Variants in FREM1 observed in about 807,000 individuals in gnomAD.
FREM1 encodes FRAS1 related extracellular matrix 1, also known as FRAS1-related extracellular matrix protein 1.
Under a neutral mutation model 210.1 loss-of-function variants are expected in FREM1, and 220 were observed. The ratio of observed to expected loss-of-function variants is 1.05; its 90% CI spans 0.94 to 1.17. FREM1 has a LOEUF of 1.17. Ranked by LOEUF, FREM1 falls within the 50% of genes most tolerant of loss-of-function variation. The probability of loss-of-function intolerance (pLI) is 0.00; values close to 1 mark genes in which losing one functional copy is unlikely to be tolerated. For synonymous variants in FREM1, 1,189 were observed against 980.2 expected (o/e 1.21, Z -3.98); for missense variants, 3,454 against 2,675.5 (o/e 1.29, Z -6.42).
intron 1 of FREM1, among the ~76,000 whole-genome samples, chr9:14,881,758 T>C (rs1317514578): frequency 6.6e-6 from 1 of 152,230 alleles, no homozygotes; most frequent in East Asian, 1.9e-4. Context: ...ACAAAGACTA[T>C]ATTTCACAGT....
At chr9:14,778,607 CAAAAAAAAAA>C (rs1169611171) in intron 24 of FREM1, among the ~76,000 whole-genome samples, 1 of 31,244 alleles carries the variant, frequency 3.2e-5, no homozygotes, top group African/African-American at 1.3e-4. Context: ...GAACCTGTCT[CAAAAAAAAAA>C]AAAAAAAAAA....
chr9:14,813,659 G>A (rs554369261), intron 15 of FREM1, among the ~76,000 whole-genome samples: 3 of 151,376 alleles, frequency 2.0e-5, no homozygotes, highest in East Asian at 4.0e-4. Context: ...TCACTTTCAC[G>A]AAAATAAAAC....
chr9:14,857,218 G>C (rs1406104524), intron 5 of FREM1, among the ~76,000 whole-genome samples: 3 of 152,082 alleles, frequency 2.0e-5, no homozygotes, highest in African/African-American at 4.8e-5. Context: ...AAGCATCAAA[G>C]AGAAGGTGTT....
chr9:14,827,105 A>T (rs1159410852), intron 10 of FREM1, among the ~76,000 whole-genome samples: 2 of 152,318 alleles, frequency 1.3e-5, no homozygotes, highest in South Asian at 4.2e-4. Flanking sequence ...AGGCTAGAAA[A>T]AGCCTATATT....
chr9:14,745,032 C>T (rs758268816), intron 35 of FREM1, among the ~76,000 whole-genome samples: 8 of 152,138 alleles, frequency 5.3e-5, no homozygotes, highest in Admixed American at 4.6e-4. Context: ...AAACCAAATG[C>T]TGCATGTTCT....
At chr9:14,741,277 T>C (rs1422213703) in intron 35 of FREM1, among the ~76,000 whole-genome samples, 1 of 152,232 alleles carries the variant, frequency 6.6e-6, no homozygotes, top group African/African-American at 2.4e-5. Flanking sequence ...TGCCTATGTC[T>C]TTTCAAAATT....
intron 1 of FREM1, among the ~76,000 whole-genome samples, chr9:14,895,295 CT>C (rs1481142814): frequency 1.9e-4 from 29 of 152,144 alleles, no homozygotes. Flanking sequence ...CATGACTTGT[CT>C]TTAGTGAAAA....
chr9:14,872,211 A>T (rs926287722), intron 1 of FREM1, among the ~76,000 whole-genome samples: 11 of 152,152 alleles, frequency 7.2e-5, no homozygotes, highest in Non-Finnish European at 1.5e-4. Context: ...GAAGAAAATC[A>T]TTGGTAGCTT....
intron 35 of FREM1, among the ~76,000 whole-genome samples, chr9:14,743,438 T>C (rs1490292989): frequency 6.6e-6 from 1 of 152,068 alleles, no homozygotes; most frequent in Non-Finnish European, 1.5e-5. Flanking sequence ...AAAAGTAGTT[T>C]TTGACAATAA....
intron 1 of FREM1, among the ~76,000 whole-genome samples, chr9:14,871,533 T>A (rs1023881535): frequency 2.0e-5 from 3 of 152,214 alleles, no homozygotes; most frequent in African/African-American, 7.2e-5. Context: ...TTGTTTGAGT[T>A]CATTGTAGAT....
At chr9:14,794,497 C>A (rs997381925) in intron 21 of FREM1, among the ~76,000 whole-genome samples, 1 of 152,182 alleles carries the variant, frequency 6.6e-6, no homozygotes, top group African/African-American at 2.4e-5. Flanking sequence ...AGGTGGGACA[C>A]TGACATGGCA....
intron 1 of FREM1, among the ~76,000 whole-genome samples, chr9:14,883,012 C>G (rs113709516): frequency 8.7e-5 from 13 of 150,236 alleles, no homozygotes; most frequent in Non-Finnish European, 1.5e-5. Flanking sequence ...AACCCCCATA[C>G]AAATGTTAAC....
intron 32 of FREM1, 94 bp downstream of exon 32, chr9:14,747,587 A>G: frequency 4.0e-6 from 4 of 1,012,620 alleles, no homozygotes; most frequent in Non-Finnish European, 4.2e-6. Flanking sequence ...TTTTTAAGAG[A>G]AATGTATAAA....
intron 10 of FREM1, 62 bp from the exon 11 acceptor site, chr9:14,825,054 C>A: frequency 1.9e-6 from 2 of 1,071,658 alleles, no homozygotes; most frequent in Non-Finnish European, 2.7e-6. Flanking sequence ...AGAAAATGCC[C>A]CACAATCACC....
rs1309591087 is a variant in FREM1 at position 14,888,728 on chromosome 9, T to C, written c.-267-19484A>G. Among the ~76,000 whole-genome samples the C allele has an allele frequency of 1.3e-5, 2 of 152,236 alleles. 1 individual carries two copies. Among genetic ancestry groups the C allele is most frequent in the Admixed American group, 1.3e-4 (2 of 15,286 alleles). ...GTCTATAACATTCTGCTTCCTCTTC[T>C]CTACAATGTTTTCTAATCCATAACC... On this transcript the variant is annotated intron_variant, in intron 1 of 36. Coordinates refer to ENST00000380880, the MANE Select transcript of FREM1 (RefSeq NM_001379081.2).
chr9:14,832,565 T>C (rs1243414882), intron 10 of FREM1, among the ~76,000 whole-genome samples: 1 of 152,238 alleles, frequency 6.6e-6, no homozygotes, highest in African/African-American at 2.4e-5. Context: ...ATGCTTTTCC[T>C]TCTTTTGCAG....
In FREM1 at chr9:14,747,008, T is replaced by C. The variant is rs1842575654; in HGVS notation, c.6053A>G (p.Lys2018Arg). ...SFPKNCTLELKGLFHFEEGIQ... is the reference protein window; with the variant it reads ...SFPKNCTLELRGLFHFEEGIQ... The stretch of plus-strand genomic sequence containing the variant: ...GCCTTCTTCAAAATGGAAGAGTCCC[T>C]TTAATTCCAGAGTGCAGTTCTTTGG... The change falls in exon 34 of 37, where the codon AAG becomes AGG. Residue 2018 changes from lysine (K) to arginine (R), a missense_variant. Lys to Arg is a conservative substitution (Grantham distance 26, BLOSUM62 2). Transcript: ENST00000380880. 1.2e-6 allele frequency: 2 copies of C among 1,613,056 alleles called. No homozygotes were observed.
chr9:14,774,265 A>G lies in FREM1; in HGVS notation c.4857+1524T>C. On this transcript the variant is annotated intron_variant, in intron 25 of 36. Coordinates refer to ENST00000380880, the MANE Select transcript of FREM1 (RefSeq NM_001379081.2). ...TATTAGATGGGATTACGTTTACATC[A>G]GTACATTTTGAGTAAAGAGATCACC... 2 of 453,754 alleles carry G rather than the reference A, an allele frequency of 4.4e-6. 1 individual carries two copies. The highest frequency in any genetic ancestry group is 3.4e-5 in the South Asian group (2 of 58,324). The allele number at this position is 453,754 out of a possible 1,614,324, so 28.1% of individuals were successfully genotyped here.
At chr9:14,860,866 T>TATATAC (rs879455765) in intron 3 of FREM1, among the ~76,000 whole-genome samples, 5 of 46,162 alleles carry the variant, frequency 1.1e-4, no homozygotes, top group East Asian at 9.0e-4. Flanking sequence ...TATATACACA[T>TATATAC]ATATATACGT....
Sources: gnomAD v4.1 joint callset for allele counts (sites outside exome capture counted in the v4.1 genomes callset) on GRCh38, gnomAD v4.1.1 for gene constraint, MANE v1.5 for transcripts, NCBI Gene and HGNC (gene_info 2026-07-23, HGNC 2026-07-21) for gene names.